Variants in ING5 observed in about 807,000 individuals in gnomAD.
ING5 encodes the protein inhibitor of growth protein 5.
Under a neutral mutation model 37.4 loss-of-function variants are expected in ING5, and 17 were observed. The ratio of observed to expected loss-of-function variants is 0.45; its 90% CI spans 0.31 to 0.68. The LOEUF (loss-of-function observed/expected upper bound fraction) is 0.68, where lower values mean the gene tolerates loss of function less well. Ranked by LOEUF, ING5 falls within the 30% of genes least tolerant of loss-of-function variation. ING5 has a pLI of 0.05. For missense variants in ING5, 233 were observed against 311.9 expected, an observed-to-expected ratio of 0.75 and a Z score of 1.91; for synonymous variants, 123 against 116.6, an observed-to-expected ratio of 1.06 and a Z score of -0.36.
intron 2 of ING5, among the ~76,000 whole-genome samples, chr2:241,705,731 A>G (rs1466657455): frequency 1.3e-5 from 2 of 151,778 alleles, no homozygotes; most frequent in African/African-American, 2.4e-5. Flanking sequence ...TCTAAACAAC[A>G]TGTTTTTGTT....
chr2:241,703,437 G>A (rs1251417303), intron 1 of ING5, among the ~76,000 whole-genome samples: 1 of 152,076 alleles, frequency 6.6e-6, no homozygotes, highest in Non-Finnish European at 1.5e-5. Flanking sequence ...CAAAGCAGAC[G>A]CGAAAGCAGC....
chr2:241,696,854 C>T (rs1029002011), intron 2 of ING5, among the ~76,000 whole-genome samples: 8 of 152,054 alleles, frequency 5.3e-5, no homozygotes, highest in Admixed American at 4.6e-4. Flanking sequence ...GAGGCCGAGG[C>T]GGGCAGATCA....
chr2:241,719,242 A>C (rs1256885944), intron 5 of ING5, among the ~76,000 whole-genome samples: 2 of 152,230 alleles, frequency 1.3e-5, no homozygotes, highest in Non-Finnish European at 2.9e-5. Context: ...TGCTCTGTGC[A>C]GCCTCTGGAC....
chr2:241,714,861 G>A (rs888888129), intron 5 of ING5, among the ~76,000 whole-genome samples: 1 of 152,172 alleles, frequency 6.6e-6, no homozygotes, highest in African/African-American at 2.4e-5. Context: ...CTCTCCGTGT[G>A]TTGAGATTAC....
chr2:241,696,389 TCAAAAACAAAAA>T (rs775752700), intron 2 of ING5, among the ~76,000 whole-genome samples: 9 of 151,246 alleles, frequency 6.0e-5, no homozygotes, highest in African/African-American at 1.7e-4. Context: ...AGACTCCATC[TCAAAAACAAAAA>T]CAAAAACAAA....
At chr2:241,710,964 G>T (rs2070092293) in intron 3 of ING5, among the ~76,000 whole-genome samples, 1 of 152,074 alleles carries the variant, frequency 6.6e-6, no homozygotes, top group Non-Finnish European at 1.5e-5. Flanking sequence ...GGTCAGGCTG[G>T]TTTTGAACTC....
chr2:241,710,329 G>A (rs188882362), intron 3 of ING5, among the ~76,000 whole-genome samples: 1 of 151,796 alleles, frequency 6.6e-6, no homozygotes, highest in African/African-American at 2.4e-5. Context: ...TTGAGACAGG[G>A]CCTCACTGTG....
At chr2:241,719,768 A>C (rs2070380772) in intron 5 of ING5, 5 of 1,444,964 alleles carry the variant, frequency 3.5e-6, no homozygotes, top group Non-Finnish European at 4.5e-6. Context: ...AGGAAGATCC[A>C]CTGTGGCCTC....
At chr2:241,687,652 C>T (rs567220167) in exon 1 of ING5, 40 of 260,794 alleles carry the variant, frequency 1.5e-4, no homozygotes, top group African/African-American at 7.1e-4. Flanking sequence ...CTCAGCCTCC[C>T]GAGTAGCTGG....
chr2:241,689,727 A>G (rs983690136), intron 1 of ING5: 9 of 152,384 alleles, frequency 5.9e-5, no homozygotes, highest in Admixed American at 6.5e-5. Flanking sequence ...GCGAACGCTT[A>G]CAAGTACTAA....
At chr2:241,690,539 G>T in exon 2 of ING5, 2 of 398,282 alleles carry the variant, frequency 5.0e-6, no homozygotes, top group South Asian at 1.3e-4. Flanking sequence ...CTGCGTGGCT[G>T]AGCATCCAGT....
At chr2:241,720,110 C>T (rs1413118850) in intron 5 of ING5, 11 of 1,237,554 alleles carry the variant, frequency 8.9e-6, no homozygotes, top group Non-Finnish European at 9.1e-6. Flanking sequence ...GGTGGGCAGA[C>T]GGGTCATCCT....
chr2:241,703,177 A>G (rs1418998206), intron 1 of ING5, among the ~76,000 whole-genome samples: 2 of 152,098 alleles, frequency 1.3e-5, no homozygotes, highest in African/African-American at 2.4e-5. Flanking sequence ...CTGGCCTCCC[A>G]AGGAGGGTTG....
intron 1 of ING5, among the ~76,000 whole-genome samples, chr2:241,703,460 C>T (rs1392560759): frequency 6.6e-6 from 1 of 152,060 alleles, no homozygotes; most frequent in Non-Finnish European, 1.5e-5. Flanking sequence ...GGGGGTCCTC[C>T]TGGCAGACTG....
chr2:241,720,902 A>T (rs926189394), intron 5 of ING5: 6 of 985,604 alleles, frequency 6.1e-6, no homozygotes, highest in Non-Finnish European at 7.2e-6. Flanking sequence ...CTGAGAGGCC[A>T]GTGAGGCCTG....
At chr2:241,711,530 C>A in intron 4 of ING5, 42 bp downstream of exon 4, 1 of 1,361,504 alleles carries the variant, frequency 7.3e-7, no homozygotes, top group Non-Finnish European at 1.0e-6. Context: ...TTACTGTTAA[C>A]TATGGAGTTT....
chr2:241,719,901 A>G (rs889782235), intron 5 of ING5: 1 of 1,323,060 alleles, frequency 7.6e-7, no homozygotes, highest in Non-Finnish European at 9.6e-7. Flanking sequence ...GTGATCACCG[A>G]TGGCGACAGT....
rs1476744818 is a variant in ING5, at chr2:241,709,558, T to TTG, written c.276+177_276+178insGT. On this transcript the variant is annotated intron_variant, in intron 3 of 7. Transcript: ENST00000313552. ...CACTTCATGTAGGACCATCCCTGTT[T>TTG]TTTTTTTTTTTTTTTCTGGGCCCTT... Among the ~76,000 whole-genome samples, 354 of 148,938 alleles carry TTG rather than the reference T, an allele frequency of 2.4e-3. 1 individual carries two copies. The highest frequency in any genetic ancestry group is 8.1e-3 in the African/African-American group (334 of 40,982).
Position 241,702,053 on chromosome 2 carries a change from G to T in ING5, c.-13G>T. 1 of 1,387,362 alleles carries T rather than the reference G, an allele frequency of 7.2e-7. No individual in the cohort carries two copies. 85.9% of individuals were successfully genotyped at this position (1,387,362 alleles called of 1,614,324 possible). A position where few individuals can be genotyped will look rare whatever the true frequency, so the allele number is the denominator to read the frequency against. ...CCCGCCCGCGCAGACCCCGAGCGCG[G>T]CCGCGGACGAAGATGGCGACCGCCA... is the stretch of plus-strand genomic sequence containing the variant. On this transcript the variant is annotated 5_prime_UTR_variant, in exon 1 of 8. Coordinates refer to ENST00000313552, the MANE Select transcript of ING5 (RefSeq NM_032329.6).
Sources: gnomAD v4.1 joint callset for allele counts (sites outside exome capture counted in the v4.1 genomes callset) on GRCh38, gnomAD v4.1.1 for gene constraint, MANE v1.5 for transcripts, NCBI Gene and HGNC (gene_info 2026-07-23, HGNC 2026-07-21) for gene names.